Variants in SLC22A23 observed in about 807,000 individuals in gnomAD.
The protein encoded by SLC22A23 is ion transporter protein.
Under a neutral mutation model 61.0 loss-of-function variants are expected in SLC22A23, and 26 were observed. That is an observed-to-expected ratio of 0.43 (90% CI 0.31 to 0.59). The LOEUF is 0.59. Ranked by LOEUF, SLC22A23 falls within the 20% of genes least tolerant of loss-of-function variation. The pLI, the probability that SLC22A23 is intolerant of heterozygous loss-of-function variation, is 0.11. For synonymous variants in SLC22A23, 430 were observed against 413.9 expected, an observed-to-expected ratio of 1.04 and a Z score of -0.47; for missense variants, 796 against 934.7, an observed-to-expected ratio of 0.85 and a Z score of 1.94.
At chr6:3,412,004 T>G (rs1769287104) in intron 2 of SLC22A23, among the ~76,000 whole-genome samples, 1 of 152,216 alleles carries the variant, frequency 6.6e-6, no homozygotes, top group South Asian at 2.1e-4. Context: ...TACCCTTGAC[T>G]TTCCTGGTCT....
chr6:3,295,779 T>C (rs1324090304), intron 5 of SLC22A23, among the ~76,000 whole-genome samples: 2 of 152,020 alleles, frequency 1.3e-5, no homozygotes, highest in East Asian at 3.9e-4. Context: ...ATCTGACAGC[T>C]GGGGGTGGAA....
At chr6:3,446,407 T>C (rs889980263) in intron 1 of SLC22A23, among the ~76,000 whole-genome samples, 1 of 152,234 alleles carries the variant, frequency 6.6e-6, no homozygotes, top group African/African-American at 2.4e-5. Context: ...ACTAAGCAAT[T>C]AGCAAAGGCA....
At position 3,304,743 on chromosome 6, in the gene SLC22A23, G is replaced by A. The variant is rs1761853165; in HGVS notation, c.1083-6525C>T. On this transcript the variant is annotated intron_variant, in intron 4 of 9. Transcript: ENST00000406686. This position sits in a 1 kb window ranked among gnomAD's most constrained non-coding sequence, Gnocchi z 4.3. ...TGGAAGATGAGCAGCTGCAGGGCAG[G>A]CCCTGTATCCCCTCGTACTGCTGGA... is the stretch of plus-strand genomic sequence containing the variant. Among the ~76,000 whole-genome samples the A allele has an allele frequency of 6.6e-6, 1 of 152,112 alleles. No homozygotes were observed. The highest frequency in any genetic ancestry group is 6.5e-5 in the Admixed American group (1 of 15,274).
At chr6:3,292,339 C>G (rs886796454) in intron 5 of SLC22A23, among the ~76,000 whole-genome samples, 2 of 152,176 alleles carry the variant, frequency 1.3e-5, no homozygotes, top group Admixed American at 6.5e-5. Flanking sequence ...ATCCAAGAGG[C>G]CTTTTTGTCT....
Position 3,270,132 on chromosome 6 carries a change from T to A in SLC22A23, c.*2923A>T, listed in dbSNP as rs1025607237. 2.6e-5 allele frequency: 4 copies of A among 152,356 alleles called. No individual in the cohort carries two copies. Among genetic ancestry groups the A allele is most frequent in the African/African-American group, 9.7e-5 (4 of 41,436 alleles). The allele number at this position is 152,356 out of a possible 1,614,324, so 9.4% of individuals were successfully genotyped here. ...GTTCACATTTGTGCATAACTTTTAT[T>A]GAAAGGCTGACAGGGTAGGCTAGCG... On this transcript the variant is annotated 3_prime_UTR_variant, in exon 10 of 10. Transcript: ENST00000406686.
intron 2 of SLC22A23, among the ~76,000 whole-genome samples, chr6:3,415,403 C>T (rs898658063): frequency 2.6e-5 from 4 of 152,188 alleles, no homozygotes; most frequent in Non-Finnish European, 5.9e-5. Context: ...TTTAATGCAT[C>T]TTCTGCAGCT....
At position 3,317,051 on chromosome 6, in the gene SLC22A23, G is replaced by A. The variant is rs1419566572; in HGVS notation, c.1082+6783C>T. On this transcript the variant is annotated intron_variant, in intron 4 of 9. Transcript: ENST00000406686. The surrounding 1 kb of genome is among the most constrained non-coding windows in gnomAD (Gnocchi z 4.4). ...ATCTCCAGAAGTCCTTACTCCCTGT[G>A]ACTTCTTCCAAGCCACTTGAGATAA... 6.6e-6 allele frequency among the ~76,000 whole-genome samples: 1 copy of A among 152,186 alleles called. No homozygotes were observed. The highest frequency in any genetic ancestry group is 6.5e-5 in the Admixed American group (1 of 15,282).
chr6:3,413,441 G>A lies in SLC22A23; in HGVS notation c.758+2311C>T, dbSNP rs1303934832. ...GGGTCCTCTGTGGAAGCCCATACTG[G>A]CCAGCTTCCCAGGGCAGGCTGGGGA... is the stretch of plus-strand genomic sequence containing the variant. On this transcript the variant is annotated intron_variant, in intron 2 of 9. Coordinates refer to ENST00000406686, the MANE Select transcript of SLC22A23 (RefSeq NM_015482.2). 2.0e-5 allele frequency among the ~76,000 whole-genome samples: 3 copies of A among 152,202 alleles called. No individual in the cohort carries two copies. In the East Asian group the frequency reaches 5.8e-4, roughly 29 times the overall value.
At chr6:3,341,460 T>C (rs778640184) in intron 3 of SLC22A23, among the ~76,000 whole-genome samples, 1 of 150,868 alleles carries the variant, frequency 6.6e-6, no homozygotes, top group Non-Finnish European at 1.5e-5. Flanking sequence ...TGGGTTTTGT[T>C]CTCTCTCTCT....
chr6:3,415,034 T>G (rs550312269), intron 2 of SLC22A23, among the ~76,000 whole-genome samples: 7 of 152,352 alleles, frequency 4.6e-5, no homozygotes, highest in South Asian at 4.1e-4. Context: ...CTTTTTCAAC[T>G]GTAAAACACA....
intron 4 of SLC22A23, among the ~76,000 whole-genome samples, chr6:3,319,425 C>G (rs557447381): frequency 6.6e-6 from 1 of 152,162 alleles, no homozygotes; most frequent in Admixed American, 6.5e-5. Flanking sequence ...CCTGACCACC[C>G]TACTTGGTAC....
chr6:3,442,978 T>C (rs1771693371), intron 1 of SLC22A23, among the ~76,000 whole-genome samples: 2 of 152,238 alleles, frequency 1.3e-5, no homozygotes, highest in South Asian at 4.1e-4. Context: ...GACTGCTCCC[T>C]GGCTCCTTCA....
At chr6:3,442,651 A>T (rs1771669542) in intron 1 of SLC22A23, among the ~76,000 whole-genome samples, 1 of 152,178 alleles carries the variant, frequency 6.6e-6, no homozygotes, top group African/African-American at 2.4e-5. Flanking sequence ...TGCTAAGTAC[A>T]TAACCCGTCC....
At chr6:3,316,307 G>C (rs975987695) in intron 4 of SLC22A23, among the ~76,000 whole-genome samples, 3 of 152,230 alleles carry the variant, frequency 2.0e-5, no homozygotes, top group African/African-American at 7.2e-5. Flanking sequence ...GATCCAGGAA[G>C]AGCTAAGGAA....
chr6:3,305,011 G>A lies in SLC22A23; in HGVS notation c.1083-6793C>T, dbSNP rs552820676. ...AGCACTCCCCAGGAGATCTGGGCGC[G>A]AGACAAGGGACAGGCTCCCCTTAGC... On this transcript the variant is annotated intron_variant, in intron 4 of 9. Coordinates refer to ENST00000406686, the MANE Select transcript of SLC22A23 (RefSeq NM_015482.2). Among the ~76,000 whole-genome samples the A allele has an allele frequency of 1.2e-4, 19 of 152,102 alleles. No individual in the cohort carries two copies. In the South Asian group the frequency reaches 2.3e-3, roughly 18 times the overall value.
rs1391858337 is a variant in SLC22A23, at chr6:3,384,624, G to GT, written c.913+25563dup. ...GCTTGTTATTTCTATTTTTAAAAAT[G>GT]TCAATAAAAACTTTTATTCATTAAT... On this transcript the variant is annotated intron_variant, in intron 3 of 9. Transcript: ENST00000406686. Among the ~76,000 whole-genome samples, 3 of 152,124 alleles carry GT rather than the reference G, an allele frequency of 2.0e-5. No individual in the cohort carries two copies. The East Asian group carries it at 5.8e-4, about 29-fold the overall frequency.
chr6:3,404,575 G>T lies in SLC22A23; in HGVS notation c.913+5613C>A, dbSNP rs147383458. On this transcript the variant is annotated intron_variant, in intron 3 of 9. Transcript: ENST00000406686. ...TTTTGAGAAAAATCAGTCTTCAGTG[G>T]CATGTTGTGGCTCCCTGCTGGATGG... Among the ~76,000 whole-genome samples, 11 of 152,278 alleles carry T rather than the reference G, an allele frequency of 7.2e-5. No homozygotes were observed. In the East Asian group the frequency reaches 2.1e-3, roughly 29 times the overall value.
chr6:3,419,137 C>T (rs6936828), intron 1 of SLC22A23, among the ~76,000 whole-genome samples: 144,390 of 152,204 alleles, frequency 0.95, 68,609 homozygotes, highest in Middle Eastern at 0.98. Flanking sequence ...ACAGGAGTAA[C>T]GTTATAAAAA....
At chr6:3,384,961 G>T (rs1767194785) in intron 3 of SLC22A23, among the ~76,000 whole-genome samples, 1 of 152,222 alleles carries the variant, frequency 6.6e-6, no homozygotes, top group African/African-American at 2.4e-5. Flanking sequence ...AGGACATTAT[G>T]CTCAGTGGAA....
Sources: gnomAD v4.1 joint callset for allele counts (sites outside exome capture counted in the v4.1 genomes callset) on GRCh38, gnomAD v4.1.1 for gene constraint, Gnocchi (gnomAD v3.1) non-coding constraint, MANE v1.5 for transcripts, NCBI Gene and HGNC (gene_info 2026-07-23, HGNC 2026-07-21) for gene names.